Variants in ACSL6 observed in about 807,000 individuals in gnomAD.
ACSL6 encodes acyl-CoA synthetase long chain family member 6.
A neutral mutation model predicts 98.2 loss-of-function variants in ACSL6; 47 were observed. The ratio of observed to expected loss-of-function variants is 0.48; its 90% CI spans 0.38 to 0.61. ACSL6 has a LOEUF of 0.61. Among genes scored for constraint, ACSL6 ranks in the 20% least tolerant of loss-of-function variants. The probability of loss-of-function intolerance (pLI) is 0.00; values close to 1 mark genes in which losing one functional copy is unlikely to be tolerated. For missense variants in ACSL6, 761 were observed against 913.4 expected (o/e 0.83, Z 2.15); for synonymous variants, 362 against 336.9 (o/e 1.07, Z -0.82).
Position 131,967,175 on chromosome 5 carries a change from A to C in ACSL6, c.1597-643T>G, listed in dbSNP as rs562406514. Among the ~76,000 whole-genome samples, 30 of 152,090 alleles carry C rather than the reference A, an allele frequency of 2.0e-4. No individual in the cohort carries two copies. In the South Asian group the frequency reaches 6.2e-3, roughly 32 times the overall value. On this transcript the variant is annotated intron_variant, in intron 16 of 20. Coordinates refer to ENST00000651883, the MANE Select transcript of ACSL6 (RefSeq NM_001009185.3). The stretch of plus-strand genomic sequence containing the variant: ...AGCCTGGGCAACACAGCAAGACCCA[A>C]TCTCTAAAAAAAAAATAAAAAGTTA...
chr5:131,956,577 A>G (rs1029404033), intron 20 of ACSL6, among the ~76,000 whole-genome samples: 17 of 152,212 alleles, frequency 1.1e-4, no homozygotes, highest in South Asian at 6.2e-4. Flanking sequence ...AAATGCTTCT[A>G]TGAAAATACC....
intron 1 of ACSL6, among the ~76,000 whole-genome samples, chr5:132,009,788 C>T (rs1755612222): frequency 1.3e-5 from 2 of 152,188 alleles, no homozygotes; most frequent in Non-Finnish European, 2.9e-5. Context: ...GCTAACCCTG[C>T]TCACAGACAA....
chr5:131,969,832 C>T (rs768431625), intron 15 of ACSL6, among the ~76,000 whole-genome samples: 24 of 152,156 alleles, frequency 1.6e-4, no homozygotes, highest in Middle Eastern at 3.2e-3. Flanking sequence ...GGAGATTCAT[C>T]CTTCAGGGCC....
At chr5:131,984,458 G>C (rs370012059) in intron 9 of ACSL6, 1 of 152,262 alleles carries the variant, frequency 6.6e-6, no homozygotes, top group African/African-American at 2.4e-5. Context: ...TGACATCCAC[G>C]TCATCAGATG....
At chr5:131,986,945 GCA>G in intron 7 of ACSL6, 91 bp from the exon 8 acceptor site, 1 of 1,314,034 alleles carries the variant, frequency 7.6e-7, no homozygotes, top group South Asian at 1.2e-5. Context: ...TCTCACACAC[GCA>G]CATACACATA....
chr5:131,976,981 C>T (rs1371034379), intron 9 of ACSL6, among the ~76,000 whole-genome samples: 4 of 152,208 alleles, frequency 2.6e-5, no homozygotes, highest in Admixed American at 2.6e-4. Context: ...TGCCTCAAGG[C>T]CTGAAGGGTC....
At chr5:131,985,610 C>T (rs979124928) in intron 8 of ACSL6, 152 bp from the exon 9 acceptor site, 15 of 771,068 alleles carry the variant, frequency 1.9e-5, no homozygotes, top group East Asian at 1.1e-4. Flanking sequence ...CTGTGTGCTG[C>T]GCTCAGAAAG....
rs1410831053 is a variant in ACSL6, at chr5:131,954,528, C to T, written c.2032-157G>A. Among the ~76,000 whole-genome samples the T allele has an allele frequency of 2.6e-5, 4 of 152,184 alleles. No homozygotes were observed. The East Asian group carries it at 5.8e-4, about 22-fold the overall frequency. On this transcript the variant is annotated intron_variant, in intron 20 of 20. Transcript: ENST00000651883. Reference sequence around the variant, plus strand: ...GTTGAGAACATTTCAGCCTATTTTACGTATCTAAAAGCCAACTTTTTTCCT... The same window carrying T: ...GTTGAGAACATTTCAGCCTATTTTATGTATCTAAAAGCCAACTTTTTTCCT...
intron 20 of ACSL6, among the ~76,000 whole-genome samples, chr5:131,956,908 G>A (rs1345701336): frequency 1.3e-5 from 2 of 152,250 alleles, no homozygotes; most frequent in Non-Finnish European, 2.9e-5. Flanking sequence ...GATGCCTAAT[G>A]TTAGCTTCCC....
chr5:131,982,805 A>G (rs1753973483), intron 9 of ACSL6: 1 of 151,950 alleles, frequency 6.6e-6, no homozygotes, highest in African/African-American at 2.4e-5. Context: ...TGCTGTACTG[A>G]TCTCTCAGTG....
chr5:131,984,067 T>A lies in ACSL6; in HGVS notation c.916+1340A>T, dbSNP rs1236378564. 3 of 152,252 alleles carry A rather than the reference T, an allele frequency of 2.0e-5. No individual in the cohort carries two copies. The East Asian group carries it at 5.8e-4, about 29-fold the overall frequency. 9.4% of individuals were successfully genotyped at this position (152,252 alleles called of 1,614,324 possible). A position where few individuals can be genotyped will look rare whatever the true frequency, so the allele number is the denominator to read the frequency against. Reference sequence around the variant, plus strand: ...CTCAAGACAAAAAGACATTGGAAAGTGCTCTTTAAAAAGCAACATAAACCT... The same window carrying A: ...CTCAAGACAAAAAGACATTGGAAAGAGCTCTTTAAAAAGCAACATAAACCT... On this transcript the variant is annotated intron_variant, in intron 9 of 20. Transcript: ENST00000651883.
Position 131,973,400 on chromosome 5 carries a change from A to G in ACSL6, c.1069T>C (p.Ser357Pro). ...CGCCCTCCGTGGCAATAGACGACAG[A>G]CTAGAAAGACAGGACAGGAAGGGAG... ...LAHMFERVIQ[S>P]VVYCHGGRVG... The change falls in exon 12 of 21, where the codon TCT becomes CCT. Residue 357 changes from serine (S) to proline (P), a missense_variant and splice_region_variant. Ser to Pro is a moderately conservative substitution (Grantham distance 74). Transcript: ENST00000651883. 1 of 1,613,962 alleles carries G rather than the reference A, an allele frequency of 6.2e-7. No individual in the cohort carries two copies. The highest frequency in any genetic ancestry group is 8.5e-7 in the Non-Finnish European group (1 of 1,179,918).
chr5:131,978,382 A>G (rs1048052407), intron 9 of ACSL6, among the ~76,000 whole-genome samples: 2 of 152,224 alleles, frequency 1.3e-5, no homozygotes, highest in Non-Finnish European at 2.9e-5. Context: ...GCCCAAAACC[A>G]TCTTTCAACT....
In ACSL6 at chr5:132,011,592, C is replaced by T. The variant is rs1295391981; in HGVS notation, c.-39G>A. 1.9e-5 allele frequency: 28 copies of T among 1,469,220 alleles called. No homozygotes were observed. Among genetic ancestry groups the T allele is most frequent in the Non-Finnish European group, 2.5e-5 (28 of 1,112,222 alleles). The allele number at this position is 1,469,220 out of a possible 1,614,324, so 91.0% of individuals were successfully genotyped here. A position where few individuals can be genotyped will look rare whatever the true frequency, so the allele number is the denominator to read the frequency against. On this transcript the variant is annotated 5_prime_UTR_variant, in exon 1 of 21. Transcript: ENST00000651883. This position sits in a 1 kb window ranked among gnomAD's most constrained non-coding sequence, Gnocchi z 5.4. ...GCCCGGCCCGGCCCGGCCCGGCCTCCCCGACCCGCAGCCCCGCAGCCCCGC... is the reference window on the plus strand; with the variant it reads ...GCCCGGCCCGGCCCGGCCCGGCCTCTCCGACCCGCAGCCCCGCAGCCCCGC...
In ACSL6 at chr5:132,011,425, T is replaced by G. The variant is rs1755722186; in HGVS notation, c.49+80A>C. The G allele has an allele frequency of 6.8e-7, 1 of 1,477,776 alleles. No homozygotes were observed. Among genetic ancestry groups the G allele is most frequent in the Admixed American group, 1.7e-5 (1 of 59,050 alleles). 91.5% of individuals were successfully genotyped at this position (1,477,776 alleles called of 1,614,324 possible). ...GATGGGGGCTCGGCGGCCGCGGAGA[T>G]GTAACACCTCCACCTCGGGCGAAGA... On this transcript the variant is annotated intron_variant, in intron 1 of 20. Coordinates refer to ENST00000651883, the MANE Select transcript of ACSL6 (RefSeq NM_001009185.3). The surrounding 1 kb of genome is among the most constrained non-coding windows in gnomAD (Gnocchi z 5.4).
At chr5:131,975,029 G>C (rs1411754084) in intron 10 of ACSL6, 59 bp from the exon 11 acceptor site, 2 of 1,577,836 alleles carry the variant, frequency 1.3e-6, no homozygotes, top group South Asian at 2.3e-5. Flanking sequence ...AAGACGACAA[G>C]AGAATCATAA....
intron 1 of ACSL6, 70 bp from the exon 2 acceptor site, chr5:131,994,321 G>T (rs866957023): frequency 3.0e-6 from 4 of 1,327,736 alleles, no homozygotes; most frequent in Non-Finnish European, 4.2e-6. Context: ...CTGGGTCACA[G>T]GACCTGATAT....
At position 131,989,434 on chromosome 5, in the gene ACSL6, A is replaced by C. The variant is rs537775798; in HGVS notation, c.525T>G (p.Ile175Met). 2.2e-5 allele frequency: 35 copies of C among 1,614,056 alleles called. No individual in the cohort carries two copies. In the East Asian group the frequency reaches 4.9e-4, roughly 23 times the overall value. ...CTGGCCGATTTTGTGCAAAAACACC[A>C]ATAAACTGATCAGTGCATGCTTTAC... is the stretch of plus-strand genomic sequence containing the variant. ...HNCKACTDQFIGVFAQNRPEW... is the reference protein window; with the variant it reads ...HNCKACTDQFMGVFAQNRPEW... Residue 175 changes from isoleucine (I) to methionine (M), a missense_variant, in exon 5 of 21, where the codon ATT becomes ATG. Ile to Met is a conservative substitution (Grantham distance 10). Transcript: ENST00000651883.
intron 11 of ACSL6, chr5:131,974,653 G>T: frequency 7.7e-7 from 1 of 1,302,582 alleles, no homozygotes; most frequent in Non-Finnish European, 1.1e-6. Flanking sequence ...TACCTTCTGA[G>T]GACAGGGCAG....
Sources: gnomAD v4.1 joint callset for allele counts (sites outside exome capture counted in the v4.1 genomes callset) on GRCh38, gnomAD v4.1.1 for gene constraint, Gnocchi (gnomAD v3.1) non-coding constraint, MANE v1.5 for transcripts, NCBI Gene and HGNC (gene_info 2026-07-23, HGNC 2026-07-21) for gene names.